Variants in KIF2A observed in about 807,000 individuals in gnomAD.
KIF2A encodes the protein kinesin family member 2A.
Under a neutral mutation model 100.2 loss-of-function variants are expected in KIF2A, and 22 were observed. That is an observed-to-expected ratio of 0.22 (90% CI 0.16 to 0.31). KIF2A has a LOEUF of 0.31. KIF2A is among the 10% of genes least tolerant of loss of function. KIF2A has a pLI of 1.00. For synonymous variants in KIF2A, 268 were observed against 285.9 expected, an observed-to-expected ratio of 0.94 and a Z score of 0.63; for missense variants, 495 against 898.7, an observed-to-expected ratio of 0.55 and a Z score of 5.74.
rs947998366 is a variant in KIF2A, at chr5:62,364,884, C to T, written c.1468-359C>T. On this transcript the variant is annotated intron_variant, in intron 14 of 20. Transcript: ENST00000407818. ...CCGAGGCGGGTGGATCCCCTGAGGT[C>T]AGGAGTTCGATACCAGCCTGGTCAG... is the stretch of plus-strand genomic sequence containing the variant. Among the ~76,000 whole-genome samples the T allele has an allele frequency of 1.2e-4, 19 of 152,266 alleles. No individual in the cohort carries two copies. In the South Asian group the frequency reaches 1.5e-3, roughly 12 times the overall value.
At chr5:62,321,488 T>C (rs536232420) in intron 1 of KIF2A, among the ~76,000 whole-genome samples, 31 of 152,314 alleles carry the variant, frequency 2.0e-4, no homozygotes, top group African/African-American at 7.5e-4. Flanking sequence ...TATTGTGATT[T>C]TGATTTGCAT....
In KIF2A at chr5:62,357,762, GCT is replaced by G. The variant is rs758637711; in HGVS notation, c.709+20_709+21del. ...ATAAAAAAGGTATGGCACTTAATGA[GCT>G]CTAATAAAAGATTGATTTTATCTTA... On this transcript the variant is annotated intron_variant, in intron 8 of 20. Transcript: ENST00000407818. The G allele has an allele frequency of 7.0e-7, 1 of 1,423,524 alleles. No homozygotes were observed. 88.2% of individuals were successfully genotyped at this position (1,423,524 alleles called of 1,614,324 possible).
In KIF2A at chr5:62,385,814, A is replaced by C; in HGVS notation, c.*245A>C. On this transcript the variant is annotated 3_prime_UTR_variant, in exon 21 of 21. Transcript: ENST00000407818. Reference sequence around the variant, plus strand: ...GTTTCATTTACACAAATAGTGATTTACTTTTGGAGATCCTTGTCAGTTTTA... The same window carrying C: ...GTTTCATTTACACAAATAGTGATTTCCTTTTGGAGATCCTTGTCAGTTTTA... The C allele has an allele frequency of 2.2e-6, 1 of 463,570 alleles. No individual in the cohort carries two copies. The highest frequency in any genetic ancestry group is 3.9e-6 in the Non-Finnish European group (1 of 258,004). The allele number at this position is 463,570 out of a possible 1,614,324, so 28.7% of individuals were successfully genotyped here. A position where few individuals can be genotyped will look rare whatever the true frequency, so the allele number is the denominator to read the frequency against.
In KIF2A at chr5:62,361,141, TTAAG is replaced by T. The variant is rs759237974; in HGVS notation, c.873-99_873-96del. 1.7e-4 allele frequency: 86 copies of T among 520,704 alleles called. 1 individual carries two copies. The highest frequency in any genetic ancestry group is 3.4e-4 in the Admixed American group (9 of 26,090). The allele number at this position is 520,704 out of a possible 1,614,324, so 32.3% of individuals were successfully genotyped here. A position where few individuals can be genotyped will look rare whatever the true frequency, so the allele number is the denominator to read the frequency against. On this transcript the variant is annotated intron_variant, in intron 9 of 20. Transcript: ENST00000407818. ...CAAAGATTTGTTTAGAATCTTGCTATTAAGTTTTATTTATTAATAAAATACTTTG... is the reference window on the plus strand; with the variant it reads ...CAAAGATTTGTTTAGAATCTTGCTATTTTTATTTATTAATAAAATACTTTG...
chr5:62,385,452 T>A, intron 20 of KIF2A, 32 bp from the exon 21 acceptor site: 2 of 1,467,356 alleles, frequency 1.4e-6, no homozygotes, highest in South Asian at 2.4e-5. Flanking sequence ...TGTAATACAA[T>A]ACTTATTCCC....
chr5:62,322,768 A>C (rs16890634), intron 1 of KIF2A, among the ~76,000 whole-genome samples: 8,728 of 151,914 alleles, frequency 0.057, 325 homozygotes, highest in East Asian at 0.13. Flanking sequence ...ATTTACAGAG[A>C]CCATAGTAAA....
intron 18 of KIF2A, among the ~76,000 whole-genome samples, chr5:62,376,834 G>A (rs1424365513): frequency 6.6e-6 from 1 of 151,952 alleles, no homozygotes; most frequent in East Asian, 1.9e-4. Flanking sequence ...TGAATATATT[G>A]TATATAGTTG....
At chr5:62,376,857 A>T (rs1030996329) in intron 18 of KIF2A, among the ~76,000 whole-genome samples, 3 of 152,134 alleles carry the variant, frequency 2.0e-5, no homozygotes, top group Admixed American at 6.6e-5. Context: ...CCTCAGTTAT[A>T]CATGGAGGAT....
intron 12 of KIF2A, among the ~76,000 whole-genome samples, chr5:62,362,857 C>T (rs987863072): frequency 2.2e-4 from 33 of 152,156 alleles, no homozygotes; most frequent in Non-Finnish European, 7.3e-5. Flanking sequence ...CACAGGATCT[C>T]GCTGTGTCAC....
At chr5:62,377,449 C>T (rs1741598901) in intron 18 of KIF2A, among the ~76,000 whole-genome samples, 1 of 152,162 alleles carries the variant, frequency 6.6e-6, no homozygotes, top group South Asian at 2.1e-4. Context: ...ATTCCCTACT[C>T]ATCTAAGTTT....
chr5:62,390,890 T>A lies in KIF2A; in HGVS notation c.*5321T>A. 1 of 1,611,928 alleles carries A rather than the reference T, an allele frequency of 6.2e-7. No individual in the cohort carries two copies. Among genetic ancestry groups the A allele is most frequent in the Non-Finnish European group, 8.5e-7 (1 of 1,179,724 alleles). The stretch of plus-strand genomic sequence containing the variant: ...AATGTAATTACCTGATGAAGTCATC[T>A]ATGTCCATGGAACGGGCCCGTTTGT... On this transcript the variant is annotated 3_prime_UTR_variant, in exon 21 of 21. Coordinates refer to ENST00000407818, the MANE Select transcript of KIF2A (RefSeq NM_001098511.3).
intron 1 of KIF2A, among the ~76,000 whole-genome samples, chr5:62,334,504 C>T (rs1746828934): frequency 7.3e-6 from 1 of 137,818 alleles, no homozygotes; most frequent in African/African-American, 2.7e-5. Context: ...CCCCACTTCT[C>T]CTCCTCCTCC....
intron 16 of KIF2A, among the ~76,000 whole-genome samples, chr5:62,367,930 G>C (rs1741153502): frequency 6.6e-6 from 1 of 152,136 alleles, no homozygotes; most frequent in Non-Finnish European, 1.5e-5. Flanking sequence ...CTTAATTCAA[G>C]TATAGCAGTT....
At chr5:62,348,260 G>C (rs1747677229) in intron 3 of KIF2A, 93 bp downstream of exon 3, 1 of 1,362,012 alleles carries the variant, frequency 7.3e-7, no homozygotes, top group Non-Finnish European at 1.0e-6. Context: ...AGGCTTTGAA[G>C]AGTTTAAGAA....
chr5:62,382,548 G>C (rs896139768), intron 20 of KIF2A, among the ~76,000 whole-genome samples: 2 of 151,910 alleles, frequency 1.3e-5, no homozygotes, highest in Non-Finnish European at 2.9e-5. Flanking sequence ...TGAACAAGAA[G>C]TGTTTTGGAT....
At chr5:62,334,531 C>T (rs1746832779) in intron 1 of KIF2A, among the ~76,000 whole-genome samples, 1 of 138,588 alleles carries the variant, frequency 7.2e-6, no homozygotes, top group African/African-American at 2.8e-5. Context: ...TCCTCCCCCT[C>T]TTCCTCTTCC....
intron 16 of KIF2A, among the ~76,000 whole-genome samples, chr5:62,369,789 A>T (rs1741238228): frequency 6.6e-6 from 1 of 152,008 alleles, no homozygotes; most frequent in South Asian, 2.1e-4. Context: ...TTAAAATTTC[A>T]TATTTTTAGG....
intron 14 of KIF2A, 122 bp downstream of exon 14, chr5:62,364,021 TTGTAA>T: frequency 1.4e-6 from 1 of 730,884 alleles, no homozygotes; most frequent in Non-Finnish European, 2.2e-6. Flanking sequence ...ATTCAGATGC[TTGTAA>T]TGTATAGTGT....
At chr5:62,355,335 T>C (rs1370390446) in intron 7 of KIF2A, 81 bp downstream of exon 7, 6 of 735,810 alleles carry the variant, frequency 8.2e-6, no homozygotes, top group Non-Finnish European at 1.4e-5. Context: ...AAATTCATAT[T>C]GTGTTCAGCT....
Sources: gnomAD v4.1 joint callset for allele counts (sites outside exome capture counted in the v4.1 genomes callset) on GRCh38, gnomAD v4.1.1 for gene constraint, MANE v1.5 for transcripts, NCBI Gene and HGNC (gene_info 2026-07-23, HGNC 2026-07-21) for gene names.